Variants in PCDHA12 observed in about 807,000 individuals in gnomAD.
PCDHA12 encodes protocadherin alpha 12, also known as protocadherin alpha-12.
A neutral mutation model predicts 60.0 loss-of-function variants in PCDHA12; 44 were observed. The ratio of observed to expected loss-of-function variants is 0.73; its 90% CI spans 0.58 to 0.94. PCDHA12 has a LOEUF of 0.94. PCDHA12 is among the 40% of genes least tolerant of loss of function. The pLI is 0.00. For synonymous variants in PCDHA12, 569 were observed against 553.0 expected (o/e 1.03, Z -0.40); for missense variants, 1,276 against 1,239.7 (o/e 1.03, Z -0.44).
intron 1 of PCDHA12, among the ~76,000 whole-genome samples, chr5:140,936,282 T>C (rs781971653): frequency 6.6e-6 from 1 of 152,250 alleles, no homozygotes; most frequent in Non-Finnish European, 1.5e-5. Context: ...CTGTGTTTTC[T>C]TCTATAACAT....
At chr5:140,965,442 G>A (rs782186943) in intron 1 of PCDHA12, among the ~76,000 whole-genome samples, 3 of 151,978 alleles carry the variant, frequency 2.0e-5, no homozygotes, top group Non-Finnish European at 4.4e-5. Flanking sequence ...CATTGAAATT[G>A]CTGGTTATTG....
At chr5:140,981,380 C>T (rs2096929731) in intron 2 of PCDHA12, among the ~76,000 whole-genome samples, 1 of 152,054 alleles carries the variant, frequency 6.6e-6, no homozygotes, top group Non-Finnish European at 1.5e-5. Flanking sequence ...TCAAGACCAG[C>T]CTGGTCAATA....
chr5:141,000,395 C>CTCTATAAA (rs1213762225), intron 3 of PCDHA12, among the ~76,000 whole-genome samples: 2 of 53,986 alleles, frequency 3.7e-5, no homozygotes, highest in African/African-American at 1.5e-4. Context: ...CTCTCTCTCT[C>CTCTATAAA]TATATATATA....
rs1459131060 is a variant in PCDHA12 at position 140,876,463 on chromosome 5, G to A, written c.991G>A (p.Ala331Thr). The change falls in exon 1 of 4, where the codon GCA becomes ACA. Residue 331 changes from alanine to threonine, a missense_variant. Ala to Thr is a moderately conservative substitution (Grantham distance 58). Transcript: ENST00000398631. ...NAIDKGIPSMAGHSMVLVEVL... is the reference protein window; with the variant it reads ...NAIDKGIPSMTGHSMVLVEVL... ...CATTGATAAAGGGATTCCTTCCATG[G>A]CAGGTCACAGCATGGTCCTGGTGGA... is the stretch of plus-strand genomic sequence containing the variant. 3.7e-6 allele frequency: 6 copies of A among 1,613,896 alleles called. No homozygotes were observed. In the African/African-American group the frequency reaches 6.7e-5, roughly 18 times the overall value.
rs189785800 is a variant in PCDHA12 at position 141,012,340 on chromosome 5, G to A, written c.*2403G>A. ...TTATTGCTAATAAATGAAAATGGTG[G>A]TATGAAAGAAATGGTGGTCATTTCT... On this transcript the variant is annotated 3_prime_UTR_variant, in exon 4 of 4. Transcript: ENST00000398631. The A allele has an allele frequency of 3.6e-4, 55 of 153,812 alleles. No homozygotes were observed. The East Asian group carries it at 9.6e-3, about 27-fold the overall frequency. 9.5% of individuals were successfully genotyped at this position (153,812 alleles called of 1,614,324 possible).
chr5:140,920,841 TAA>T (rs781921146), intron 1 of PCDHA12, among the ~76,000 whole-genome samples: 15 of 109,130 alleles, frequency 1.4e-4, no homozygotes, highest in Admixed American at 1.9e-4. Flanking sequence ...AGACCAAATC[TAA>T]AAAAAAAAAA....
chr5:140,951,076 A>G (rs2094545866), intron 1 of PCDHA12, among the ~76,000 whole-genome samples: 1 of 151,566 alleles, frequency 6.6e-6, no homozygotes, highest in Non-Finnish European at 1.5e-5. Flanking sequence ...GCTTTCTTAT[A>G]TTTTCCTTTT....
intron 1 of PCDHA12, among the ~76,000 whole-genome samples, chr5:140,897,709 T>C (rs1471075981): frequency 6.6e-6 from 1 of 152,212 alleles, no homozygotes; most frequent in Non-Finnish European, 1.5e-5. Context: ...TACCCAGTAA[T>C]GGGATGGCTG....
intron 1 of PCDHA12, among the ~76,000 whole-genome samples, chr5:140,904,023 A>G (rs2070780912): frequency 1.3e-5 from 2 of 152,198 alleles, no homozygotes; most frequent in Admixed American, 6.5e-5. Flanking sequence ...AAATAATGGT[A>G]TAATTTAACT....
At chr5:140,979,564 A>G (rs1267870261) in intron 2 of PCDHA12, among the ~76,000 whole-genome samples, 2 of 152,222 alleles carry the variant, frequency 1.3e-5, no homozygotes, top group Non-Finnish European at 2.9e-5. Context: ...AAGATGAGCC[A>G]TGTAAAGGGC....
chr5:140,921,364 T>G (rs2080173595), intron 1 of PCDHA12, among the ~76,000 whole-genome samples: 1 of 152,196 alleles, frequency 6.6e-6, no homozygotes, highest in Non-Finnish European at 1.5e-5. Flanking sequence ...TATTCAAGTT[T>G]CATATTTCTA....
At chr5:140,957,549 C>G (rs563057107) in intron 1 of PCDHA12, among the ~76,000 whole-genome samples, 1 of 152,156 alleles carries the variant, frequency 6.6e-6, no homozygotes, top group South Asian at 2.1e-4. Context: ...AAAGTATTCT[C>G]TGTGGAAAAG....
At position 140,876,456 on chromosome 5, in the gene PCDHA12, TTCC is replaced by T; in HGVS notation, c.985_987del (p.Ser329del). 1 of 1,614,050 alleles carries T rather than the reference TTCC, an allele frequency of 6.2e-7. No homozygotes were observed. The highest frequency in any genetic ancestry group is 8.5e-7 in the Non-Finnish European group (1 of 1,179,908). On this transcript the variant is annotated inframe_deletion, in exon 1 of 4. Coordinates refer to ENST00000398631, the MANE Select transcript of PCDHA12 (RefSeq NM_018903.4). ...TTAACGCCATTGATAAAGGGATTCCTTCCATGGCAGGTCACAGCATGGTCCTGG... is the reference window on the plus strand; with the variant it reads ...TTAACGCCATTGATAAAGGGATTCCTATGGCAGGTCACAGCATGGTCCTGG...
chr5:140,941,241 T>TTCTTTCTTTCTTTCTTTCTTTCTC (rs1585048929), intron 1 of PCDHA12, among the ~76,000 whole-genome samples: 1 of 140,458 alleles, frequency 7.1e-6, no homozygotes, highest in East Asian at 2.0e-4. Flanking sequence ...CTTTCTTTCT[T>TTCTTTCTTTCTTTCTTTCTTTCTC]TCTTTCTTTC....
chr5:140,966,665 G>A, intron 1 of PCDHA12: 1 of 1,258,258 alleles, frequency 7.9e-7, no homozygotes. Flanking sequence ...GGGGGAGCAG[G>A]CGCAGGGTGG....
chr5:140,881,099 C>G (rs1554171750), intron 1 of PCDHA12, among the ~76,000 whole-genome samples: 1 of 152,108 alleles, frequency 6.6e-6, no homozygotes, highest in East Asian at 1.9e-4. Flanking sequence ...TTCATTACAC[C>G]ATTTGGCCTG....
chr5:140,898,067 T>C (rs2066506598), intron 1 of PCDHA12, among the ~76,000 whole-genome samples: 1 of 152,122 alleles, frequency 6.6e-6, no homozygotes, highest in Admixed American at 6.5e-5. Context: ...TTGTTTGAGT[T>C]CATTGTAGAT....
intron 1 of PCDHA12, among the ~76,000 whole-genome samples, chr5:140,922,915 A>G (rs1184691604): frequency 6.6e-6 from 1 of 152,224 alleles, no homozygotes; most frequent in Non-Finnish European, 1.5e-5. Context: ...ATACAAATAA[A>G]CTTCAGACTT....
intron 1 of PCDHA12, among the ~76,000 whole-genome samples, chr5:140,902,660 C>A (rs1322922634): frequency 1.3e-5 from 2 of 152,116 alleles, no homozygotes; most frequent in Non-Finnish European, 2.9e-5. Flanking sequence ...GCACCTGTCA[C>A]CCAAGCAGTG....
Sources: allele counts gnomAD v4.1 joint callset (sites outside exome capture counted in the v4.1 genomes callset), GRCh38; gene constraint gnomAD v4.1.1; transcripts MANE v1.5; gene names NCBI Gene and HGNC (gene_info 2026-07-23, HGNC 2026-07-21).